Variants in TP53INP2 observed in about 807,000 individuals in gnomAD.
The protein encoded by TP53INP2 is tumor protein p53-inducible nuclear protein 2.
Under a neutral mutation model 17.1 loss-of-function variants are expected in TP53INP2, and 12 were observed. The observed-to-expected ratio is 0.70, with a 90% CI of 0.45 to 1.14. The LOEUF is 1.14. Among genes scored for constraint, TP53INP2 ranks in the 50% most tolerant of loss-of-function variants. TP53INP2 has a pLI of 0.00. For missense variants in TP53INP2, 342 were observed against 330.9 expected, an observed-to-expected ratio of 1.03 and a Z score of -0.26; for synonymous variants, 145 against 147.3, an observed-to-expected ratio of 0.98 and a Z score of 0.12.
chr20:34,709,674 G>T lies in TP53INP2; in HGVS notation c.413+150G>T, dbSNP rs566468158. The T allele has an allele frequency of 1.0e-5, 15 of 1,432,140 alleles. No homozygotes were observed. In the East Asian group the frequency reaches 1.3e-4, roughly 12 times the overall value. 88.7% of individuals were successfully genotyped at this position (1,432,140 alleles called of 1,614,324 possible). A position where few individuals can be genotyped will look rare whatever the true frequency, so the allele number is the denominator to read the frequency against. On this transcript the variant is annotated intron_variant, in intron 4 of 4. Coordinates refer to ENST00000374810, the MANE Select transcript of TP53INP2 (RefSeq NM_021202.3). The surrounding 1 kb of genome is among the most constrained non-coding windows in gnomAD (Gnocchi z 5.4). The stretch of plus-strand genomic sequence containing the variant: ...GGGAGGGTTGCCTTTGAGACAAAGT[G>T]GGGGGCCGGTGGGCCTCCGGGCGAG...
chr20:34,710,638 C>G lies in TP53INP2; in HGVS notation c.*331C>G. On this transcript the variant is annotated 3_prime_UTR_variant, in exon 5 of 5. Transcript: ENST00000374810. The surrounding 1 kb of genome is among the most constrained non-coding windows in gnomAD (Gnocchi z 4.9). Reference sequence around the variant, plus strand: ...CCAGTCCTCTACCTCTGGCCTGCCCCTATTTCTGAAAGCTTCTTCCAGTCC... The same window carrying G: ...CCAGTCCTCTACCTCTGGCCTGCCCGTATTTCTGAAAGCTTCTTCCAGTCC... The G allele has an allele frequency of 4.1e-6, 1 of 243,182 alleles. No individual in the cohort carries two copies. The allele number at this position is 243,182 out of a possible 1,614,324, so 15.1% of individuals were successfully genotyped here. A position where few individuals can be genotyped will look rare whatever the true frequency, so the allele number is the denominator to read the frequency against.
At position 34,710,130 on chromosome 20, in the gene TP53INP2, G is replaced by C; in HGVS notation, c.486G>C (p.Leu162=). The change falls in exon 5 of 5, where the codon CTG becomes CTC. Residue 162 remains leucine, a synonymous_variant. Transcript: ENST00000374810. This position sits in a 1 kb window ranked among gnomAD's most constrained non-coding sequence, Gnocchi z 4.9. ...CTCCTCTCCCAGCGCGGGCGGCGCT[G>C]CTGGAGAAGGCGGGCCAGGTGCGGC... ...HAAPLPARAA[L]LEKAGQVRRL... is the part of the protein sequence containing the mutation. The C allele has an allele frequency of 7.9e-7, 1 of 1,267,848 alleles. No homozygotes were observed. The highest frequency in any genetic ancestry group is 9.9e-7 in the Non-Finnish European group (1 of 1,009,632). The allele number at this position is 1,267,848 out of a possible 1,614,324, so 78.5% of individuals were successfully genotyped here.
chr20:34,709,157 TC>T lies in TP53INP2; in HGVS notation c.125-77del. Reference sequence around the variant, plus strand: ...TGCCCTTTCTCTCCCCGCCCCCTTGTCCGGTGTGTGTGTGTGTGTGTGTGTG... The same window carrying T: ...TGCCCTTTCTCTCCCCGCCCCCTTGTCGGTGTGTGTGTGTGTGTGTGTGTG... On this transcript the variant is annotated intron_variant, in intron 3 of 4. Transcript: ENST00000374810. This position sits in a 1 kb window ranked among gnomAD's most constrained non-coding sequence, Gnocchi z 5.4. 7.2e-7 allele frequency: 1 copy of T among 1,383,280 alleles called. No homozygotes were observed. The highest frequency in any genetic ancestry group is 9.3e-7 in the Non-Finnish European group (1 of 1,074,870). 85.7% of individuals were successfully genotyped at this position (1,383,280 alleles called of 1,614,324 possible).
Position 34,709,942 on chromosome 20 carries a change from C to A in TP53INP2, c.414-116C>A. The A allele has an allele frequency of 8.3e-7, 1 of 1,209,380 alleles. No homozygotes were observed. Among genetic ancestry groups the A allele is most frequent in the Non-Finnish European group, 1.1e-6 (1 of 938,326 alleles). The allele number at this position is 1,209,380 out of a possible 1,614,324, so 74.9% of individuals were successfully genotyped here. A position where few individuals can be genotyped will look rare whatever the true frequency, so the allele number is the denominator to read the frequency against. On this transcript the variant is annotated intron_variant, in intron 4 of 4. Coordinates refer to ENST00000374810, the MANE Select transcript of TP53INP2 (RefSeq NM_021202.3). The surrounding 1 kb of genome is among the most constrained non-coding windows in gnomAD (Gnocchi z 5.4). The stretch of plus-strand genomic sequence containing the variant: ...TGGTACCCACAAGAAGGGCGTCGGG[C>A]ACCCCAATCTGAACAGACACAGAAC...
chr20:34,708,420 G>A (rs2146825088), intron 2 of TP53INP2, among the ~76,000 whole-genome samples: 1 of 152,162 alleles, frequency 6.6e-6, no homozygotes, highest in East Asian at 1.9e-4. Context: ...TCTTATAAGA[G>A]CCCGGAGGAA....
rs116891932 is a variant in TP53INP2 at position 34,711,325 on chromosome 20, T to C, written c.*1018T>C. The C allele has an allele frequency of 0.019, 2,961 of 153,142 alleles. 257 individuals are homozygous for C. Among genetic ancestry groups the C allele is most frequent in the Admixed American group, 0.15 (2,233 of 15,298 alleles). 9.5% of individuals were successfully genotyped at this position (153,142 alleles called of 1,614,324 possible). A position where few individuals can be genotyped will look rare whatever the true frequency, so the allele number is the denominator to read the frequency against. On this transcript the variant is annotated 3_prime_UTR_variant, in exon 5 of 5. Coordinates refer to ENST00000374810, the MANE Select transcript of TP53INP2 (RefSeq NM_021202.3). This position sits in a 1 kb window ranked among gnomAD's most constrained non-coding sequence, Gnocchi z 4.1. ...TAGGAGACATGCAGGCCACAGGGCT[T>C]CTAGGCAGGGAAAGGGCACACACCC...
chr20:34,704,916 G>A (rs1468816483), intron 1 of TP53INP2: 2 of 152,668 alleles, frequency 1.3e-5, no homozygotes, highest in Admixed American at 6.5e-5. Context: ...GCTGGGCCTA[G>A]GTTGAGGGGG....
rs186285265 is a variant in TP53INP2 at position 34,709,911 on chromosome 20, C to G, written c.414-147C>G. On this transcript the variant is annotated intron_variant, in intron 4 of 4. Coordinates refer to ENST00000374810, the MANE Select transcript of TP53INP2 (RefSeq NM_021202.3). This position sits in a 1 kb window ranked among gnomAD's most constrained non-coding sequence, Gnocchi z 5.4. Reference sequence around the variant, plus strand: ...AAGGGCTAGAACCGAGGAGGCACCTCCGGGTTGGTACCCACAAGAAGGGCG... The same window carrying G: ...AAGGGCTAGAACCGAGGAGGCACCTGCGGGTTGGTACCCACAAGAAGGGCG... 1,922 of 1,069,086 alleles carry G rather than the reference C, an allele frequency of 1.8e-3. 5 individuals are homozygous for G. The highest frequency in any genetic ancestry group is 3.2e-3 in the Admixed American group (107 of 33,362). 66.2% of individuals were successfully genotyped at this position (1,069,086 alleles called of 1,614,324 possible).
chr20:34,708,918 C>G, intron 3 of TP53INP2, 55 bp downstream of exon 3: 1 of 1,586,084 alleles, frequency 6.3e-7, no homozygotes, highest in Non-Finnish European at 8.6e-7. Context: ...GGCAGATGGC[C>G]TAGCAGCGGA....
rs749751837 is a variant in TP53INP2 at position 34,708,848 on chromosome 20, A to T, written c.109A>T (p.Ile37Phe). The stretch of plus-strand genomic sequence containing the variant: ...GGAGGATGAAGTGGACGGCTGGCTC[A>T]TCATTGACCTGCCGGGTGAGGCCTG... ...SEEDEVDGWLIIDLPDSYAAP... is the reference protein window; with the variant it reads ...SEEDEVDGWLFIDLPDSYAAP... The change falls in exon 3 of 5, where the codon ATC becomes TTC. Residue 37 changes from isoleucine (I) to phenylalanine (F), a missense_variant. Coordinates refer to ENST00000374810, the MANE Select transcript of TP53INP2 (RefSeq NM_021202.3). 6 of 1,612,576 alleles carry T rather than the reference A, an allele frequency of 3.7e-6. No homozygotes were observed. Among genetic ancestry groups the T allele is most frequent in the Non-Finnish European group, 5.1e-6 (6 of 1,179,246 alleles).
Position 34,709,277 on chromosome 20 carries a change from C to T in TP53INP2, c.166C>T (p.Pro56Ser). The part of the protein sequence containing the change: ...APPSPGAAPA[P>S]AGRPPPAPSL... ...ACCCAGCCCCGGGGCCGCCCCTGCC[C>T]CCGCGGGCCGCCCTCCGCCCGCGCC... is the stretch of plus-strand genomic sequence containing the variant. The change falls in exon 4 of 5, where the codon CCC (proline) becomes TCC (serine). Residue 56 changes from proline to serine, a missense_variant. Pro to Ser is a moderately conservative substitution (Grantham distance 74, BLOSUM62 -1). Coordinates refer to ENST00000374810, the MANE Select transcript of TP53INP2 (RefSeq NM_021202.3). This position sits in a 1 kb window ranked among gnomAD's most constrained non-coding sequence, Gnocchi z 5.4. The T allele has an allele frequency of 6.2e-7, 1 of 1,601,856 alleles. No individual in the cohort carries two copies. Among genetic ancestry groups the T allele is most frequent in the Non-Finnish European group, 8.5e-7 (1 of 1,174,258 alleles).
In TP53INP2 at chr20:34,709,301, C is replaced by T; in HGVS notation, c.190C>T (p.Pro64Ser). 6.2e-7 allele frequency: 1 copy of T among 1,611,756 alleles called. No individual in the cohort carries two copies. Among genetic ancestry groups the T allele is most frequent in the Non-Finnish European group, 8.5e-7 (1 of 1,179,114 alleles). ...CCCCGCGGGCCGCCCTCCGCCCGCG[C>T]CCTCCTTGATGGACGAGAGCTGGTT... ...PAPAGRPPPA[P>S]SLMDESWFVT... Residue 64 changes from proline (P) to serine (S), a missense_variant, in exon 4 of 5, where the codon CCC becomes TCC. Coordinates refer to ENST00000374810, the MANE Select transcript of TP53INP2 (RefSeq NM_021202.3). The surrounding 1 kb of genome is among the most constrained non-coding windows in gnomAD (Gnocchi z 5.4).
chr20:34,708,739 C>T lies in TP53INP2; in HGVS notation c.-1C>T, dbSNP rs1461959849. 8 of 1,575,740 alleles carry T rather than the reference C, an allele frequency of 5.1e-6. No homozygotes were observed. In the African/African-American group the frequency reaches 1.1e-4, roughly 21 times the overall value. Reference sequence around the variant, plus strand: ...CCCCGTGAGGCGCTTCGCCCCCCACCATGTTCCAGCGCCTCTCCAGCCTCT... The same window carrying T: ...CCCCGTGAGGCGCTTCGCCCCCCACTATGTTCCAGCGCCTCTCCAGCCTCT... On this transcript the variant is annotated 5_prime_UTR_variant, in exon 3 of 5. Transcript: ENST00000374810.
In TP53INP2 at chr20:34,709,149, C is replaced by T. The variant is rs1988078155; in HGVS notation, c.125-87C>T. On this transcript the variant is annotated intron_variant, in intron 3 of 4. Transcript: ENST00000374810. This position sits in a 1 kb window ranked among gnomAD's most constrained non-coding sequence, Gnocchi z 5.4. Reference sequence around the variant, plus strand: ...ACTAACGATGCCCTTTCTCTCCCCGCCCCCTTGTCCGGTGTGTGTGTGTGT... The same window carrying T: ...ACTAACGATGCCCTTTCTCTCCCCGTCCCCTTGTCCGGTGTGTGTGTGTGT... 7 of 1,433,592 alleles carry T rather than the reference C, an allele frequency of 4.9e-6. No individual in the cohort carries two copies. Among genetic ancestry groups the T allele is most frequent in the Non-Finnish European group, 6.4e-6 (7 of 1,098,580 alleles). 88.8% of individuals were successfully genotyped at this position (1,433,592 alleles called of 1,614,324 possible).
Position 34,705,416 on chromosome 20 carries a change from C to T in TP53INP2, c.-108C>T, listed in dbSNP as rs1294808860. ...CCTGACCCCTTCTGTCCTCACTGTA[C>T]CTTGAAGTCCTAGAGTCCAATAAAA... On this transcript the variant is annotated 5_prime_UTR_variant, in exon 2 of 5. Coordinates refer to ENST00000374810, the MANE Select transcript of TP53INP2 (RefSeq NM_021202.3). 6.6e-6 allele frequency: 1 copy of T among 152,254 alleles called. No individual in the cohort carries two copies. Among genetic ancestry groups the T allele is most frequent in the African/African-American group, 2.4e-5 (1 of 41,410 alleles). 9.4% of individuals were successfully genotyped at this position (152,254 alleles called of 1,614,324 possible).
rs1600697601 is a variant in TP53INP2 at position 34,712,371 on chromosome 20, A to T, written c.*2064A>T. 1 of 152,626 alleles carries T rather than the reference A, an allele frequency of 6.6e-6. No individual in the cohort carries two copies. Among genetic ancestry groups the T allele is most frequent in the Non-Finnish European group, 1.5e-5 (1 of 68,074 alleles). The allele number at this position is 152,626 out of a possible 1,614,324, so 9.5% of individuals were successfully genotyped here. A position where few individuals can be genotyped will look rare whatever the true frequency, so the allele number is the denominator to read the frequency against. On this transcript the variant is annotated 3_prime_UTR_variant, in exon 5 of 5. Transcript: ENST00000374810. ...TTCTGGTGGGGGAAGAGTTTAAGTT[A>T]TAGGGCATTTGGCTCAAATTTTAAA... is the stretch of plus-strand genomic sequence containing the variant.
intron 2 of TP53INP2, among the ~76,000 whole-genome samples, 194 bp downstream of exon 2, chr20:34,705,668 G>C (rs1960975570): frequency 6.6e-6 from 1 of 152,168 alleles, no homozygotes; most frequent in Admixed American, 6.5e-5. Context: ...GAGAGTATAG[G>C]AGAAGGGATA....
Position 34,709,471 on chromosome 20 carries a change from G to A in TP53INP2, c.360G>A (p.Gly120=), listed in dbSNP as rs1440003781. 3 of 1,613,246 alleles carry A rather than the reference G, an allele frequency of 1.9e-6. No homozygotes were observed. The highest frequency in any genetic ancestry group is 2.5e-6 in the Non-Finnish European group (3 of 1,179,860). ...GCAGCACCATAGTGCTAGAGCCCGGGTCCCCTTCCCCGCTCCCGGACGCGG... is the reference window on the plus strand; with the variant it reads ...GCAGCACCATAGTGCTAGAGCCCGGATCCCCTTCCCCGCTCCCGGACGCGG... ...VTGSTIVLEP[G]SPSPLPDAAL... Residue 120 remains glycine (G), a synonymous_variant, in exon 4 of 5, where the codon GGG becomes GGA. Transcript: ENST00000374810. This position sits in a 1 kb window ranked among gnomAD's most constrained non-coding sequence, Gnocchi z 5.4.
rs367615735 is a variant in TP53INP2 at position 34,709,535 on chromosome 20, C to A, written c.413+11C>A. ...CGACCTCAGCGAAGGGTGAGCGGGCCGGGGGCGGAGCCTGGAGGCCCAGGG... is the reference window on the plus strand; with the variant it reads ...CGACCTCAGCGAAGGGTGAGCGGGCAGGGGGCGGAGCCTGGAGGCCCAGGG... On this transcript the variant is annotated intron_variant, in intron 4 of 4. Transcript: ENST00000374810. This position sits in a 1 kb window ranked among gnomAD's most constrained non-coding sequence, Gnocchi z 5.4. 1.2e-6 allele frequency: 2 copies of A among 1,600,512 alleles called. No homozygotes were observed. Among genetic ancestry groups the A allele is most frequent in the East Asian group, 4.5e-5 (2 of 44,768 alleles).
Sources: allele counts gnomAD v4.1 joint callset (sites outside exome capture counted in the v4.1 genomes callset), GRCh38; gene constraint gnomAD v4.1.1; non-coding constraint Gnocchi (gnomAD v3.1); transcripts MANE v1.5; gene names NCBI Gene and HGNC (gene_info 2026-07-23, HGNC 2026-07-21).